Variants in DNMT3A observed in about 807,000 individuals in gnomAD.
The protein encoded by DNMT3A is DNA (cytosine-5)-methyltransferase 3A.
A neutral mutation model predicts 117.6 loss-of-function variants in DNMT3A; 267 were observed. The observed-to-expected ratio is 2.27, with a 90% CI of 2.05 to 2.51. The LOEUF (loss-of-function observed/expected upper bound fraction) is 2.51. Among genes scored for constraint, DNMT3A ranks in the 30% most tolerant of loss-of-function variants. DNMT3A has a pLI of 0.00. For missense variants in DNMT3A, 1,029 were observed against 1,260.2 expected (o/e 0.82, Z 2.78); for synonymous variants, 432 against 474.8 (o/e 0.91, Z 1.17).
chr2:25,233,801 A>AC lies in DNMT3A; in HGVS notation c.*477_*478insG, dbSNP rs1673023614. ...CCCAAAAAAAAAAAACAAAAAACAA[A>AC]AAAAAAAACAACCCAATATATAGAT... On this transcript the variant is annotated 3_prime_UTR_variant, in exon 23 of 23. Coordinates refer to ENST00000321117, the MANE Select transcript of DNMT3A (RefSeq NM_022552.5). The AC allele has an allele frequency of 4.4e-6, 1 of 226,008 alleles. No individual in the cohort carries two copies. Among genetic ancestry groups the AC allele is most frequent in the African/African-American group, 2.2e-5 (1 of 44,650 alleles). The allele number at this position is 226,008 out of a possible 1,614,324, so 14.0% of individuals were successfully genotyped here.
At chr2:25,326,106 A>ATGTGTGTGTGTGTG (rs1159330144) in intron 1 of DNMT3A, among the ~76,000 whole-genome samples, 4 of 103,272 alleles carry the variant, frequency 3.9e-5, no homozygotes, top group African/African-American at 1.7e-4. Flanking sequence ...AACTTGATAT[A>ATGTGTGTGTGTGTG]TATGTGTGTG....
Position 25,296,135 on chromosome 2 carries a change from G to T in DNMT3A, c.177+4004C>A, listed in dbSNP as rs2033073968. Among the ~76,000 whole-genome samples the T allele has an allele frequency of 6.6e-6, 1 of 152,230 alleles. No individual in the cohort carries two copies. Among genetic ancestry groups the T allele is most frequent in the African/African-American group, 2.4e-5 (1 of 41,454 alleles). On this transcript the variant is annotated intron_variant, in intron 3 of 22. Transcript: ENST00000321117. The surrounding 1 kb of genome is among the most constrained non-coding windows in gnomAD (Gnocchi z 4.2). ...GACAACAAATGCTTCTCAAAGTGAGGTCTGCAGACCACTGCAGTCCCATGT... is the reference window on the plus strand; with the variant it reads ...GACAACAAATGCTTCTCAAAGTGAGTTCTGCAGACCACTGCAGTCCCATGT...
rs1287661780 is a variant in DNMT3A at position 25,311,479 on chromosome 2, G to A, written c.72+2434C>T. On this transcript the variant is annotated intron_variant, in intron 2 of 22. Coordinates refer to ENST00000321117, the MANE Select transcript of DNMT3A (RefSeq NM_022552.5). The surrounding 1 kb of genome is among the most constrained non-coding windows in gnomAD (Gnocchi z 5.2). ...GCCAGCATGCGTGGTGTAGGTGTGG[G>A]CGGCTGGGGAGGAGGCCTGGCTATG... 6.6e-6 allele frequency among the ~76,000 whole-genome samples: 1 copy of A among 152,224 alleles called. No homozygotes were observed. Among genetic ancestry groups the A allele is most frequent in the Non-Finnish European group, 1.5e-5 (1 of 68,036 alleles).
At position 25,228,095 on chromosome 2, in the gene DNMT3A, G is replaced by A. The variant is rs1227482333; in HGVS notation, c.*6184C>T. 6.6e-6 allele frequency: 1 copy of A among 150,520 alleles called. No individual in the cohort carries two copies. Among genetic ancestry groups the A allele is most frequent in the Non-Finnish European group, 1.5e-5 (1 of 67,756 alleles). The allele number at this position is 150,520 out of a possible 1,614,324, so 9.3% of individuals were successfully genotyped here. A position where few individuals can be genotyped will look rare whatever the true frequency, so the allele number is the denominator to read the frequency against. Reference sequence around the variant, plus strand: ...ACAGAGATACAACAGGACACCAGGCGGGTGGGGCAGGGACCCCTCGGGCCC... The same window carrying A: ...ACAGAGATACAACAGGACACCAGGCAGGTGGGGCAGGGACCCCTCGGGCCC... On this transcript the variant is annotated 3_prime_UTR_variant, in exon 23 of 23. Transcript: ENST00000321117.
intron 4 of DNMT3A, among the ~76,000 whole-genome samples, chr2:25,280,292 TCCCCGCCTCCCCACC>T (rs1251320427): frequency 1.2e-4 from 16 of 129,426 alleles, no homozygotes; most frequent in South Asian, 2.7e-4. Context: ...CACTGCCCAC[TCCCCGCCTCCCCACC>T]CCCCGCCTCC....
chr2:25,301,275 A>AG (rs1401341324), intron 2 of DNMT3A, among the ~76,000 whole-genome samples: 1 of 152,130 alleles, frequency 6.6e-6, no homozygotes, highest in African/African-American at 2.4e-5. Context: ...TCAAAAAAAA[A>AG]AAAAGAAAAT....
At chr2:25,244,123 G>A in intron 15 of DNMT3A, 32 bp downstream of exon 15, 7 of 1,613,624 alleles carry the variant, frequency 4.3e-6, no homozygotes, top group Non-Finnish European at 5.9e-6. Flanking sequence ...AGCCAAGGGA[G>A]CTCGAGACCG....
upstream of DNMT3A, among the ~76,000 whole-genome samples, chr2:25,342,234 C>G (rs1051394319): frequency 7.0e-4 from 103 of 147,638 alleles, no homozygotes; most frequent in African/African-American, 2.4e-3. The surrounding 1 kb of genome is among the most constrained non-coding windows in gnomAD (Gnocchi z 5.9). Flanking sequence ...GCCCTCGGCG[C>G]GACTTCCCGG....
At chr2:25,300,001 G>T in intron 3 of DNMT3A, 138 bp downstream of exon 3, 1 of 688,082 alleles carries the variant, frequency 1.5e-6, no homozygotes, top group Non-Finnish European at 2.2e-6. Flanking sequence ...TGGGGTACCT[G>T]CAGCTGGAGG....
rs369744889 is a variant in DNMT3A, at chr2:25,245,336, G to C, written c.1475-4C>G. 19 of 1,613,548 alleles carry C rather than the reference G, an allele frequency of 1.2e-5. No individual in the cohort carries two copies. The highest frequency in any genetic ancestry group is 1.5e-5 in the Non-Finnish European group (18 of 1,179,864). On this transcript the variant is annotated splice_polypyrimidine_tract_variant and splice_region_variant and intron_variant, in intron 12 of 22. Coordinates refer to ENST00000321117, the MANE Select transcript of DNMT3A (RefSeq NM_022552.5). Reference sequence around the variant, plus strand: ...CTCCCACAGGAGATGCAGATGTCTGGAAAGCAGAGGGAGGGGATGGGGTGA... The same window carrying C: ...CTCCCACAGGAGATGCAGATGTCTGCAAAGCAGAGGGAGGGGATGGGGTGA...
At chr2:25,276,001 T>C (rs770174988) in intron 4 of DNMT3A, among the ~76,000 whole-genome samples, 19 of 151,930 alleles carry the variant, frequency 1.3e-4, no homozygotes, top group Admixed American at 2.6e-4. Context: ...TCCCTGGCCC[T>C]GCAAGGGAGT....
In DNMT3A at chr2:25,229,479, CTG is replaced by C. The variant is rs966314582; in HGVS notation, c.*4798_*4799del. 2.0e-5 allele frequency: 3 copies of C among 152,276 alleles called. No homozygotes were observed. Among genetic ancestry groups the C allele is most frequent in the African/African-American group, 7.2e-5 (3 of 41,470 alleles). 9.4% of individuals were successfully genotyped at this position (152,276 alleles called of 1,614,324 possible). ...CAGGGTCGCTCTCTAGTCTCCAGCA[CTG>C]AGAGCAGGCAGCGTGGAGAATACGC... On this transcript the variant is annotated 3_prime_UTR_variant, in exon 23 of 23. Transcript: ENST00000321117.
At chr2:25,266,652 T>C (rs866364805) in intron 6 of DNMT3A, among the ~76,000 whole-genome samples, 39 of 152,218 alleles carry the variant, frequency 2.6e-4, no homozygotes, top group African/African-American at 9.4e-4. Context: ...GAGGCAACAT[T>C]TGCTAAGCTC....
rs1458742399 is a variant in DNMT3A at position 25,232,987 on chromosome 2, T to C, written c.*1292A>G. On this transcript the variant is annotated 3_prime_UTR_variant, in exon 23 of 23. Transcript: ENST00000321117. This position sits in a 1 kb window ranked among gnomAD's most constrained non-coding sequence, Gnocchi z 4.1. ...CAGGAAAGCACCAGTACGTTTTGTATGTTTTTTTATTTGCTCCAGGTGGGG... is the reference window on the plus strand; with the variant it reads ...CAGGAAAGCACCAGTACGTTTTGTACGTTTTTTTATTTGCTCCAGGTGGGG... The C allele has an allele frequency of 8.6e-6, 2 of 233,002 alleles. No homozygotes were observed. Among genetic ancestry groups the C allele is most frequent in the Non-Finnish European group, 1.7e-5 (2 of 117,914 alleles). 14.4% of individuals were successfully genotyped at this position (233,002 alleles called of 1,614,324 possible). A position where few individuals can be genotyped will look rare whatever the true frequency, so the allele number is the denominator to read the frequency against.
rs1303947595 is a variant in DNMT3A at position 25,229,507 on chromosome 2, A to G, written c.*4772T>C. The G allele has an allele frequency of 1.3e-5, 2 of 152,178 alleles. No homozygotes were observed. The highest frequency in any genetic ancestry group is 2.4e-5 in the African/African-American group (1 of 41,450). 9.4% of individuals were successfully genotyped at this position (152,178 alleles called of 1,614,324 possible). On this transcript the variant is annotated 3_prime_UTR_variant, in exon 23 of 23. Coordinates refer to ENST00000321117, the MANE Select transcript of DNMT3A (RefSeq NM_022552.5). ...AGAGCAGGCAGCGTGGAGAATACGC[A>G]ATGACAAACTCAGATTACTCACCTC... is the stretch of plus-strand genomic sequence containing the variant.
Position 25,233,547 on chromosome 2 carries a change from G to C in DNMT3A, c.*732C>G, listed in dbSNP as rs1211828014. On this transcript the variant is annotated 3_prime_UTR_variant, in exon 23 of 23. Transcript: ENST00000321117. ...AAACTGATTTTCTTCAAGGTTTCCTGTGTGGTAGGCACCTGAAATACTGTA... is the reference window on the plus strand; with the variant it reads ...AAACTGATTTTCTTCAAGGTTTCCTCTGTGGTAGGCACCTGAAATACTGTA... The C allele has an allele frequency of 4.3e-6, 1 of 233,326 alleles. No homozygotes were observed. Among genetic ancestry groups the C allele is most frequent in the Non-Finnish European group, 8.5e-6 (1 of 117,966 alleles). 14.5% of individuals were successfully genotyped at this position (233,326 alleles called of 1,614,324 possible).
chr2:25,235,606 T>C, intron 22 of DNMT3A, 101 bp downstream of exon 22: 1 of 917,066 alleles, frequency 1.1e-6, no homozygotes, highest in Non-Finnish European at 1.7e-6. Flanking sequence ...CCCAGGACGT[T>C]TGTGGAAAAC....
intron 19 of DNMT3A, 110 bp from the exon 20 acceptor site, chr2:25,239,325 G>C (rs1332048576): frequency 4.3e-6 from 4 of 920,066 alleles, no homozygotes; most frequent in Non-Finnish European, 6.9e-6. Context: ...TTCTCTCTCA[G>C]GAGCCACACA....
intron 6 of DNMT3A, among the ~76,000 whole-genome samples, chr2:25,250,534 G>A (rs1010937195): frequency 9.2e-5 from 14 of 152,162 alleles, no homozygotes; most frequent in African/African-American, 3.1e-4. Context: ...CCAGAACTCT[G>A]CCCTCCCCTT....
Sources: allele counts gnomAD v4.1 joint callset (sites outside exome capture counted in the v4.1 genomes callset), GRCh38; gene constraint gnomAD v4.1.1; non-coding constraint Gnocchi (gnomAD v3.1); transcripts MANE v1.5; gene names NCBI Gene and HGNC (gene_info 2026-07-23, HGNC 2026-07-21).